NFATC4: variants seen among roughly 807,000 people sequenced by gnomAD.
NFATC4 encodes nuclear factor of activated T-cells, cytoplasmic 4.
NFATC4 carries 25 observed loss-of-function variants against 73.4 expected under a neutral mutation model. The observed-to-expected ratio is 0.34, with a 90% CI of 0.25 to 0.48. NFATC4 has a LOEUF of 0.48. Ranked by LOEUF, NFATC4 falls within the 20% of genes least tolerant of loss-of-function variation. The probability of loss-of-function intolerance (pLI) is 0.99; values close to 1 mark genes in which losing one functional copy is unlikely to be tolerated. For synonymous variants in NFATC4, 523 were observed against 510.3 expected, an observed-to-expected ratio of 1.02 and a Z score of -0.34; for missense variants, 1,130 against 1,203.7, an observed-to-expected ratio of 0.94 and a Z score of 0.91.
chr14:24,369,159 GAGTCGCCCCC>G, intron 1 of NFATC4: 2 of 1,472,604 alleles, frequency 1.4e-6, no homozygotes, highest in Non-Finnish European at 1.8e-6. Flanking sequence ...GTTCATGTGT[GAGTCGCCCCC>G]AGTCCAGCCC....
chr14:24,375,759 G>GGGCCC, intron 7 of NFATC4, 44 bp downstream of exon 7: 5 of 617,008 alleles, frequency 8.1e-6, no homozygotes, highest in Non-Finnish European at 1.5e-5. Flanking sequence ...GGGGGTGGGA[G>GGGCCC]AAGGCAGGGG....
rs757790727 is a variant in NFATC4, at chr14:24,373,819, G to A, written c.1684G>A (p.Gly562Ser). 1.1e-5 allele frequency: 17 copies of A among 1,613,966 alleles called. No homozygotes were observed. Among genetic ancestry groups the A allele is most frequent in the African/African-American group, 2.7e-5 (2 of 74,934 alleles). The change falls in exon 5 of 10, where the codon GGC becomes AGC. Residue 562 changes from glycine (G) to serine (S), a missense_variant. Transcript: ENST00000250373. The surrounding 1 kb of genome is among the most constrained non-coding windows in gnomAD (Gnocchi z 4.7). ...LVFRVHVPQGGGKVVSVQAAS... is the reference protein window; with the variant it reads ...LVFRVHVPQGSGKVVSVQAAS... ...GTTCCGGGTACACGTGCCCCAGGGC[G>A]GCGGGAAGGTCGTCTCAGTACAGGC... is the stretch of plus-strand genomic sequence containing the variant.
chr14:24,372,898 G>A, intron 3 of NFATC4: 1 of 596,984 alleles, frequency 1.7e-6, no homozygotes, highest in Admixed American at 3.0e-5. Context: ...AAAGTCACTG[G>A]GAGTTAAGTT....
Position 24,369,710 on chromosome 14 carries a change from T to A in NFATC4, c.312T>A (p.Gly104=), listed in dbSNP as rs748169839. 6.2e-7 allele frequency: 1 copy of A among 1,610,506 alleles called. No homozygotes were observed. Among genetic ancestry groups the A allele is most frequent in the East Asian group, 2.2e-5 (1 of 44,808 alleles). ...RLGGPGGGAG[G]AGGGRVLECP... The stretch of plus-strand genomic sequence containing the variant: ...GAGGACCAGGAGGGGGTGCTGGGGG[T>A]GCTGGGGGTGGCCGTGTTCTCGAGT... The change falls in exon 2 of 10, where the codon GGT becomes GGA. Residue 104 remains glycine (G), a synonymous_variant. Coordinates refer to ENST00000250373, the MANE Select transcript of NFATC4 (RefSeq NM_004554.5).
Position 24,377,405 on chromosome 14 carries a change from A to G in NFATC4, c.2642-233A>G. 1 of 1,378,784 alleles carries G rather than the reference A, an allele frequency of 7.3e-7. No individual in the cohort carries two copies. The allele number at this position is 1,378,784 out of a possible 1,614,324, so 85.4% of individuals were successfully genotyped here. A position where few individuals can be genotyped will look rare whatever the true frequency, so the allele number is the denominator to read the frequency against. On this transcript the variant is annotated intron_variant, in intron 9 of 9. Coordinates refer to ENST00000250373, the MANE Select transcript of NFATC4 (RefSeq NM_004554.5). The surrounding 1 kb of genome is among the most constrained non-coding windows in gnomAD (Gnocchi z 4.2). ...GACATTTCAGGCTAAGCCAGCAGGAAAGGGCTAGGACGGGTGCCTGGGAGC... is the reference window on the plus strand; with the variant it reads ...GACATTTCAGGCTAAGCCAGCAGGAGAGGGCTAGGACGGGTGCCTGGGAGC...
chr14:24,367,175 G>A (rs1227180034), upstream of NFATC4: 1 of 1,613,772 alleles, frequency 6.2e-7, no homozygotes, highest in Non-Finnish European at 8.5e-7. Flanking sequence ...TGACTTTCCC[G>A]GAAACTCCAG....
At chr14:24,367,727 G>A, upstream of NFATC4, 3 of 1,492,838 alleles carry the variant, frequency 2.0e-6, no homozygotes, top group Non-Finnish European at 2.7e-6. Flanking sequence ...GACCCTCCTG[G>A]CCTCAGGCTT....
chr14:24,374,458 G>A lies in NFATC4; in HGVS notation c.1865G>A (p.Arg622Lys), dbSNP rs567264047. The change falls in exon 6 of 10, where the codon AGG becomes AAG. Residue 622 changes from arginine to lysine, a missense_variant. Coordinates refer to ENST00000250373, the MANE Select transcript of NFATC4 (RefSeq NM_004554.5). ...LPDSKVVFIE[R>K]GPDGKLQWEE... ...GACTCCAAGGTGGTGTTCATTGAGA[G>A]GGGTCCTGGTGAGTACCTGCTGGGG... 1.9e-6 allele frequency: 3 copies of A among 1,613,258 alleles called. No homozygotes were observed. Among genetic ancestry groups the A allele is most frequent in the Middle Eastern group, 1.7e-4 (1 of 6,056 alleles).
rs1332815650 is a variant in NFATC4, at chr14:24,373,736, T to C, written c.1601T>C (p.Ile534Thr). 21 of 1,613,206 alleles carry C rather than the reference T, an allele frequency of 1.3e-5. No homozygotes were observed. The highest frequency in any genetic ancestry group is 2.2e-5 in the East Asian group (1 of 44,844). Residue 534 changes from isoleucine (I) to threonine (T), a missense_variant, in exon 5 of 10, where the codon ATT (isoleucine) becomes ACT (threonine). Around this residue, in one of 3 missense-constraint regions of NFATC4, gnomAD observed 155 missense variants for 221.2 expected, o/e 0.70. Transcript: ENST00000250373. This position sits in a 1 kb window ranked among gnomAD's most constrained non-coding sequence, Gnocchi z 4.7. ...ATCCTGAAGCTTCGGAATTCAGACA[T>C]TGAGCTTCGGAAGGGTGAGACGGAC... ...AGILKLRNSD[I>T]ELRKGETDIG...
chr14:24,373,197 G>T lies in NFATC4; in HGVS notation c.1386G>T (p.Leu462=). 6.2e-7 allele frequency: 1 copy of T among 1,614,194 alleles called. No individual in the cohort carries two copies. The highest frequency in any genetic ancestry group is 1.1e-5 in the South Asian group (1 of 91,072). ...TCCTAGGCTACAGTGAGAAGCCACT[G>T]ACCCTACAGATGTTCATCGGCACTG... is the stretch of plus-strand genomic sequence containing the variant. ...VKLLGYSEKP[L]TLQMFIGTAD... is the part of the protein sequence containing the mutation. The change falls in exon 4 of 10, where the codon CTG becomes CTT. Residue 462 remains leucine (L), a synonymous_variant. Coordinates refer to ENST00000250373, the MANE Select transcript of NFATC4 (RefSeq NM_004554.5). The surrounding 1 kb of genome is among the most constrained non-coding windows in gnomAD (Gnocchi z 4.7).
chr14:24,368,415 G>T lies in NFATC4; in HGVS notation c.75G>T (p.Pro25=). 7.4e-7 allele frequency: 1 copy of T among 1,345,706 alleles called. No individual in the cohort carries two copies. The highest frequency in any genetic ancestry group is 9.6e-7 in the Non-Finnish European group (1 of 1,046,996). 83.4% of individuals were successfully genotyped at this position (1,345,706 alleles called of 1,614,324 possible). A position where few individuals can be genotyped will look rare whatever the true frequency, so the allele number is the denominator to read the frequency against. Residue 25 remains proline (P), a synonymous_variant, in exon 1 of 10, where the codon CCG becomes CCT. Coordinates refer to ENST00000250373, the MANE Select transcript of NFATC4 (RefSeq NM_004554.5). The part of the protein sequence containing the change: ...LVFGEEKEAP[P]LGAGGLGEEL... ...TCGGGGAGGAAAAGGAGGCCCCCCC[G>T]CTGGGCGCGGGGGGATTGGGGGAAG...
rs372629167 is a variant in NFATC4 at position 24,370,583 on chromosome 14, C to A, written c.1185C>A (p.Ser395Arg). 3 of 1,607,778 alleles carry A rather than the reference C, an allele frequency of 1.9e-6. No individual in the cohort carries two copies. In the African/African-American group the frequency reaches 4.0e-5, roughly 21 times the overall value. The part of the protein sequence containing the change: ...AWSKARIGGH[S>R]PIFRTSALPP... The stretch of plus-strand genomic sequence containing the variant: ...CCAAGGCCCGGATTGGGGGACACAG[C>A]CCTATCTTCAGGTGAGGGTTGCGCC... Residue 395 changes from serine to arginine, a missense_variant, in exon 2 of 10, where the codon AGC (serine) becomes AGA (arginine). This residue lies in a region of NFATC4 where 585 missense variants were observed against 574.3 expected (regional missense o/e 1.02). Coordinates refer to ENST00000250373, the MANE Select transcript of NFATC4 (RefSeq NM_004554.5).
chr14:24,373,426 T>C lies in NFATC4; in HGVS notation c.1559+56T>C. 6.3e-7 allele frequency: 1 copy of C among 1,586,798 alleles called. No homozygotes were observed. Among genetic ancestry groups the C allele is most frequent in the Non-Finnish European group, 8.6e-7 (1 of 1,158,866 alleles). ...CAGGCTTTGTACTAGCTTTCTCCAC[T>C]GGGCCTATGCTAGCCCACTTCTTCC... On this transcript the variant is annotated intron_variant, in intron 4 of 9. Transcript: ENST00000250373. This position sits in a 1 kb window ranked among gnomAD's most constrained non-coding sequence, Gnocchi z 4.7.
chr14:24,373,292 C>T lies in NFATC4; in HGVS notation c.1481C>T (p.Thr494Met), dbSNP rs149390527. Residue 494 changes from threonine (T) to methionine (M), a missense_variant, in exon 4 of 10, where the codon ACG (threonine) becomes ATG (methionine). Thr to Met is a moderately conservative substitution (Grantham distance 81). Around this residue, in one of 3 missense-constraint regions of NFATC4, gnomAD observed 155 missense variants for 221.2 expected, o/e 0.70. Transcript: ENST00000250373. The surrounding 1 kb of genome is among the most constrained non-coding windows in gnomAD (Gnocchi z 4.7). Reference sequence around the variant, plus strand: ...CGTATCACAGGCAAGATGGTGGCCACGGCCAGCTATGAAGCCGTAGTCAGT... The same window carrying T: ...CGTATCACAGGCAAGATGGTGGCCATGGCCAGCTATGAAGCCGTAGTCAGT... Reference protein sequence around the residue: ...VHRITGKMVATASYEAVVSGT... With the variant: ...VHRITGKMVAMASYEAVVSGT... 213 of 1,614,204 alleles carry T rather than the reference C, an allele frequency of 1.3e-4. 1 individual carries two copies. Among genetic ancestry groups the T allele is most frequent in the South Asian group, 6.8e-4 (62 of 91,084 alleles).
At position 24,379,170 on chromosome 14, in the gene NFATC4, C is replaced by T. The variant is rs1160826286; in HGVS notation, c.*1465C>T. ...GGGGGACAACAGAACCAGAGTAACT[C>T]CTCGCCTGTTGCTGCTTTGCAATGA... On this transcript the variant is annotated 3_prime_UTR_variant, in exon 10 of 10. Transcript: ENST00000250373. The T allele has an allele frequency of 1.3e-5, 2 of 152,314 alleles. No individual in the cohort carries two copies. The highest frequency in any genetic ancestry group is 4.8e-5 in the African/African-American group (2 of 41,424). The allele number at this position is 152,314 out of a possible 1,614,324, so 9.4% of individuals were successfully genotyped here. A position where few individuals can be genotyped will look rare whatever the true frequency, so the allele number is the denominator to read the frequency against.
chr14:24,376,817 G>C lies in NFATC4; in HGVS notation c.2580G>C (p.Arg860Ser). The C allele has an allele frequency of 6.2e-7, 1 of 1,605,234 alleles. No individual in the cohort carries two copies. Among genetic ancestry groups the C allele is most frequent in the Non-Finnish European group, 8.5e-7 (1 of 1,176,656 alleles). The change falls in exon 9 of 10, where the codon AGG (arginine) becomes AGC (serine). Residue 860 changes from arginine (R) to serine (S), a missense_variant. Around this residue, in one of 3 missense-constraint regions of NFATC4, gnomAD observed 390 missense variants for 408.1 expected, o/e 0.96. Coordinates refer to ENST00000250373, the MANE Select transcript of NFATC4 (RefSeq NM_004554.5). This position sits in a 1 kb window ranked among gnomAD's most constrained non-coding sequence, Gnocchi z 5.0. ...GGGCTCCGGAGCAGGAGAAATCCAGGGGTGGCTACAGCAGCGGCTTCCGAG... is the reference window on the plus strand; with the variant it reads ...GGGCTCCGGAGCAGGAGAAATCCAGCGGTGGCTACAGCAGCGGCTTCCGAG... ...GEGAPEQEKS[R>S]GGYSSGFRDS... is the part of the protein sequence containing the mutation.
In NFATC4 at chr14:24,377,501, A is replaced by G; in HGVS notation, c.2642-137A>G. 1 of 1,480,480 alleles carries G rather than the reference A, an allele frequency of 6.8e-7. No homozygotes were observed. Among genetic ancestry groups the G allele is most frequent in the Non-Finnish European group, 8.9e-7 (1 of 1,118,338 alleles). The allele number at this position is 1,480,480 out of a possible 1,614,324, so 91.7% of individuals were successfully genotyped here. On this transcript the variant is annotated intron_variant, in intron 9 of 9. Coordinates refer to ENST00000250373, the MANE Select transcript of NFATC4 (RefSeq NM_004554.5). This position sits in a 1 kb window ranked among gnomAD's most constrained non-coding sequence, Gnocchi z 4.2. ...AGACGTGTTGGGGAAACTGAGGCCC[A>G]GTGGAATAGAAGCCAGTAGAGGAGG...
chr14:24,377,497 G>T lies in NFATC4; in HGVS notation c.2642-141G>T. 6.8e-7 allele frequency: 1 copy of T among 1,474,322 alleles called. No homozygotes were observed. The highest frequency in any genetic ancestry group is 1.4e-5 in the South Asian group (1 of 71,676). 91.3% of individuals were successfully genotyped at this position (1,474,322 alleles called of 1,614,324 possible). On this transcript the variant is annotated intron_variant, in intron 9 of 9. Coordinates refer to ENST00000250373, the MANE Select transcript of NFATC4 (RefSeq NM_004554.5). The surrounding 1 kb of genome is among the most constrained non-coding windows in gnomAD (Gnocchi z 4.2). ...GTCAAGACGTGTTGGGGAAACTGAGGCCCAGTGGAATAGAAGCCAGTAGAG... is the reference window on the plus strand; with the variant it reads ...GTCAAGACGTGTTGGGGAAACTGAGTCCCAGTGGAATAGAAGCCAGTAGAG...
rs1435188370 is a variant in NFATC4 at position 24,369,553 on chromosome 14, C to T, written c.155C>T (p.Pro52Leu). The stretch of plus-strand genomic sequence containing the variant: ...TGCCGTCTGGCCTTGGGAGAGCCCC[C>T]TCCCTATGGCGCTGCACCTATCGGT... ...PCCRLALGEPPPYGAAPIGIP... is the reference protein window; with the variant it reads ...PCCRLALGEPLPYGAAPIGIP... The change falls in exon 2 of 10, where the codon CCT (proline) becomes CTT (leucine). Residue 52 changes from proline (P) to leucine (L), a missense_variant. Transcript: ENST00000250373. 5.0e-6 allele frequency: 8 copies of T among 1,610,290 alleles called. No individual in the cohort carries two copies. The highest frequency in any genetic ancestry group is 6.8e-6 in the Non-Finnish European group (8 of 1,177,394).
Sources: gnomAD v4.1 joint callset for allele counts on GRCh38, gnomAD v4.1.1 for gene constraint, gnomAD v4.1.1 regional missense constraint, Gnocchi (gnomAD v3.1) non-coding constraint, MANE v1.5 for transcripts, NCBI Gene and HGNC (gene_info 2026-07-23, HGNC 2026-07-21) for gene names.